IPO11: variants seen among roughly 807,000 people sequenced by gnomAD.
The protein encoded by IPO11 is importin 11.
IPO11 carries 66 observed loss-of-function variants against 143.2 expected under a neutral mutation model. The observed-to-expected ratio is 0.46, with a 90% CI of 0.38 to 0.57. The LOEUF is 0.57. IPO11 is among the 20% of genes least tolerant of loss of function. The pLI is 0.00. For synonymous variants in IPO11, 385 were observed against 377.8 expected (o/e 1.02, Z -0.22); for missense variants, 1,026 against 1,141.0 (o/e 0.90, Z 1.45).
intron 24 of IPO11, among the ~76,000 whole-genome samples, chr5:62,547,911 G>A (rs1743260486): frequency 6.6e-6 from 1 of 151,788 alleles, no homozygotes; most frequent in Non-Finnish European, 1.5e-5. Context: ...GTTTCTTAAA[G>A]AAAAAAACTG....
At chr5:62,601,918 C>T in intron 29 of IPO11, 70 bp downstream of exon 29, 1 of 906,732 alleles carries the variant, frequency 1.1e-6, no homozygotes, top group Non-Finnish European at 1.7e-6. Context: ...TCAGAAATAT[C>T]TATGGTCTAT....
At chr5:62,527,398 T>C (rs1475217312) in intron 21 of IPO11, among the ~76,000 whole-genome samples, 1 of 152,212 alleles carries the variant, frequency 6.6e-6, no homozygotes, top group Admixed American at 6.5e-5. Context: ...TAAGTAGGTA[T>C]GGCTGTGCGC....
At chr5:62,610,668 A>G (rs138157936) in intron 29 of IPO11, among the ~76,000 whole-genome samples, 219 of 152,342 alleles carry the variant, frequency 1.4e-3, no homozygotes, top group African/African-American at 5.1e-3. Flanking sequence ...TCAAGTGATA[A>G]TAATCAAATG....
intron 6 of IPO11, among the ~76,000 whole-genome samples, chr5:62,469,286 T>C (rs544888551): frequency 1.3e-5 from 2 of 152,322 alleles, no homozygotes; most frequent in African/African-American, 2.4e-5. Context: ...TGCATCGTTA[T>C]GATGCAGCAA....
chr5:62,464,301 C>T (rs1299316723), intron 5 of IPO11, among the ~76,000 whole-genome samples: 1 of 151,564 alleles, frequency 6.6e-6, no homozygotes. Flanking sequence ...CCACCATGCC[C>T]AACTAATTTT....
chr5:62,559,916 CAAAAAAAA>C (rs759468696), intron 26 of IPO11, among the ~76,000 whole-genome samples: 6 of 17,054 alleles, frequency 3.5e-4, no homozygotes, highest in Non-Finnish European at 4.5e-4. Context: ...AACTCTGTCT[CAAAAAAAA>C]AAAAAAAAAA....
At chr5:62,588,852 A>C (rs1263801338) in intron 27 of IPO11, among the ~76,000 whole-genome samples, 1 of 152,222 alleles carries the variant, frequency 6.6e-6, no homozygotes, top group East Asian at 1.9e-4. Context: ...ACTGCCATTG[A>C]GCAATCTTTT....
intron 1 of IPO11, among the ~76,000 whole-genome samples, chr5:62,435,716 C>T (rs1036096853): frequency 7.9e-5 from 12 of 151,514 alleles, no homozygotes; most frequent in African/African-American, 2.9e-4. Context: ...CAGAGCAAGA[C>T]TCTGTCTCAA....
chr5:62,546,307 A>G (rs942443817), intron 24 of IPO11, among the ~76,000 whole-genome samples: 3 of 152,228 alleles, frequency 2.0e-5, no homozygotes, highest in Non-Finnish European at 4.4e-5. Context: ...AGGGACATGG[A>G]TGAAGCTGGA....
intron 22 of IPO11, 101 bp downstream of exon 22, chr5:62,530,886 A>G: frequency 2.3e-6 from 2 of 854,858 alleles, no homozygotes; most frequent in Non-Finnish European, 3.9e-6. Context: ...TTGTAAGTTC[A>G]ACTTCTAGTT....
At chr5:62,611,904 G>A (rs1226028052) in intron 29 of IPO11, among the ~76,000 whole-genome samples, 2 of 151,924 alleles carry the variant, frequency 1.3e-5, no homozygotes, top group Admixed American at 1.3e-4. Flanking sequence ...GTCTTTCAAG[G>A]GAAGAAAAAT....
chr5:62,435,072 GTA>G (rs1230723677), intron 1 of IPO11, among the ~76,000 whole-genome samples: 13 of 107,824 alleles, frequency 1.2e-4, no homozygotes, highest in South Asian at 8.4e-4. Context: ...GTATATATAT[GTA>G]TATATATGTG....
chr5:62,473,953 A>C (rs1745871674), intron 7 of IPO11, among the ~76,000 whole-genome samples: 1 of 152,136 alleles, frequency 6.6e-6, no homozygotes, highest in Non-Finnish European at 1.5e-5. Flanking sequence ...TCATTTTTTG[A>C]ATACTTATTA....
chr5:62,619,041 G>A (rs1162734166), intron 29 of IPO11, among the ~76,000 whole-genome samples: 2 of 151,990 alleles, frequency 1.3e-5, no homozygotes, highest in Non-Finnish European at 2.9e-5. Context: ...GACCAGCCTG[G>A]CCAACATGGT....
In IPO11 at chr5:62,484,006, C is replaced by A; in HGVS notation, c.1022-4C>A. 2 of 1,592,184 alleles carry A rather than the reference C, an allele frequency of 1.3e-6. No homozygotes were observed. Among genetic ancestry groups the A allele is most frequent in the South Asian group, 1.2e-5 (1 of 85,856 alleles). ...CAATTAACTTGGAAATTTCATTTTTCTAGATAGCAGCCCTGAAACTCTTGA... is the reference window on the plus strand; with the variant it reads ...CAATTAACTTGGAAATTTCATTTTTATAGATAGCAGCCCTGAAACTCTTGA... On this transcript the variant is annotated splice_polypyrimidine_tract_variant and splice_region_variant and intron_variant, in intron 10 of 29. Transcript: ENST00000325324.
At position 62,483,340 on chromosome 5, in the gene IPO11, G is replaced by A. The variant is rs1348816558; in HGVS notation, c.1021+47G>A. On this transcript the variant is annotated intron_variant, in intron 10 of 29. Coordinates refer to ENST00000325324, the MANE Select transcript of IPO11 (RefSeq NM_016338.5). ...TAAAAGAATTATTTTAATCTTAAGTGTGATATAATTGCTATAATTACAAAC... is the reference window on the plus strand; with the variant it reads ...TAAAAGAATTATTTTAATCTTAAGTATGATATAATTGCTATAATTACAAAC... 6.2e-6 allele frequency: 7 copies of A among 1,129,586 alleles called. No individual in the cohort carries two copies. In the East Asian group the frequency reaches 1.3e-4, roughly 21 times the overall value. The allele number at this position is 1,129,586 out of a possible 1,614,324, so 70.0% of individuals were successfully genotyped here. A position where few individuals can be genotyped will look rare whatever the true frequency, so the allele number is the denominator to read the frequency against.
intron 27 of IPO11, among the ~76,000 whole-genome samples, chr5:62,564,958 A>T (rs1229231081): frequency 2.0e-5 from 3 of 152,132 alleles, no homozygotes; most frequent in African/African-American, 7.2e-5. Context: ...CTTAAAATGG[A>T]GTTACTAATA....
Position 62,452,372 on chromosome 5 carries a change from G to T in IPO11, c.516+439G>T, listed in dbSNP as rs190347642. Among the ~76,000 whole-genome samples, 165 of 151,480 alleles carry T rather than the reference G, an allele frequency of 1.1e-3. 15 individuals carry two copies. The highest frequency in any genetic ancestry group is 4.0e-3 in the African/African-American group (161 of 40,738). ...CTCATTTTAAGCTGGGCAGTGATAT[G>T]AATAAAAAGATCACTTAGTTGCCAG... On this transcript the variant is annotated intron_variant, in intron 5 of 29. Transcript: ENST00000325324.
At chr5:62,591,327 G>T (rs1259489306) in intron 27 of IPO11, among the ~76,000 whole-genome samples, 1 of 151,872 alleles carries the variant, frequency 6.6e-6, no homozygotes, top group Non-Finnish European at 1.5e-5. Context: ...ATAAATCTAA[G>T]AATATTAAAA....
Sources: allele counts gnomAD v4.1 joint callset (sites outside exome capture counted in the v4.1 genomes callset), GRCh38; gene constraint gnomAD v4.1.1; transcripts MANE v1.5; gene names NCBI Gene and HGNC (gene_info 2026-07-23, HGNC 2026-07-21).